Variants in COL4A3 observed in about 807,000 individuals in gnomAD.
COL4A3 encodes the protein collagen alpha-3(IV) chain.
COL4A3 carries 135 observed loss-of-function variants against 217.4 expected under a neutral mutation model. That is an observed-to-expected ratio of 0.62 (90% CI 0.54 to 0.72). COL4A3 has a LOEUF of 0.72. Among genes scored for constraint, COL4A3 ranks in the 30% least tolerant of loss-of-function variants. COL4A3 has a pLI of 0.00. For synonymous variants in COL4A3, 690 were observed against 736.3 expected, an observed-to-expected ratio of 0.94 and a Z score of 1.02; for missense variants, 1,868 against 2,119.9, an observed-to-expected ratio of 0.88 and a Z score of 2.33.
Position 227,282,682 on chromosome 2 carries a change from A to G in COL4A3, c.2656+150A>G. On this transcript the variant is annotated intron_variant, in intron 32 of 51. Transcript: ENST00000396578. This position sits in a 1 kb window ranked among gnomAD's most constrained non-coding sequence, Gnocchi z 4.4. ...AATTATTTGTAAGAAACCAGGGGCC[A>G]TGGTGCAGGGAAACGGTGGCGGCAG... 2.6e-6 allele frequency: 2 copies of G among 776,076 alleles called. No homozygotes were observed. The highest frequency in any genetic ancestry group is 2.7e-5 in the East Asian group (1 of 36,774). 48.1% of individuals were successfully genotyped at this position (776,076 alleles called of 1,614,324 possible).
intron 1 of COL4A3, among the ~76,000 whole-genome samples, chr2:227,201,288 G>A (rs2066675648): frequency 6.6e-6 from 1 of 151,266 alleles, no homozygotes; most frequent in Admixed American, 6.6e-5. Context: ...CACTAAGGAG[G>A]AAAAAAAAAT....
intron 1 of COL4A3, among the ~76,000 whole-genome samples, chr2:227,177,854 T>C (rs2065735168): frequency 2.0e-5 from 3 of 152,156 alleles, no homozygotes; most frequent in African/African-American, 7.2e-5. Context: ...TGTCACAGTA[T>C]CGCAATGCTT....
At chr2:227,172,638 G>C in intron 1 of COL4A3, among the ~76,000 whole-genome samples, 1 of 119,700 alleles carries the variant, frequency 8.4e-6, no homozygotes, top group African/African-American at 3.2e-5. Flanking sequence ...CCAGGCTAAA[G>C]TGCAGTGGCA....
chr2:227,194,513 C>A (rs1472973260), intron 1 of COL4A3, among the ~76,000 whole-genome samples: 2 of 152,192 alleles, frequency 1.3e-5, no homozygotes, highest in African/African-American at 4.8e-5. Flanking sequence ...GCTCAGGACC[C>A]CCTTGTGGGA....
chr2:227,197,536 A>T (rs942552674), intron 1 of COL4A3, among the ~76,000 whole-genome samples: 1 of 152,244 alleles, frequency 6.6e-6, no homozygotes, highest in Non-Finnish European at 1.5e-5. Context: ...GTATACTTAA[A>T]AAAAAATCAC....
chr2:227,290,210 T>G, intron 36 of COL4A3, 122 bp downstream of exon 36: 1 of 955,690 alleles, frequency 1.0e-6, no homozygotes, highest in Admixed American at 2.0e-5. Context: ...AAAACTAGAT[T>G]TGCGGGGCCG....
intron 21 of COL4A3, among the ~76,000 whole-genome samples, chr2:227,265,593 G>A (rs2070836131): frequency 1.3e-5 from 2 of 152,204 alleles, no homozygotes; most frequent in Non-Finnish European, 2.9e-5. Context: ...CAACTCAATT[G>A]ATGTGGACAA....
intron 1 of COL4A3, among the ~76,000 whole-genome samples, chr2:227,205,932 G>T (rs1259914972): frequency 6.6e-6 from 1 of 152,188 alleles, no homozygotes; most frequent in East Asian, 1.9e-4. Context: ...GAGCAGCTTA[G>T]CTGAGGCTTT....
At chr2:227,183,557 T>A (rs1270842694) in intron 1 of COL4A3, among the ~76,000 whole-genome samples, 1 of 152,068 alleles carries the variant, frequency 6.6e-6, no homozygotes, top group African/African-American at 2.4e-5. Context: ...AGGTAGAAGA[T>A]TGACTCAAAC....
At chr2:227,186,246 C>T (rs557979312) in intron 1 of COL4A3, among the ~76,000 whole-genome samples, 1 of 152,258 alleles carries the variant, frequency 6.6e-6, no homozygotes, top group African/African-American at 2.4e-5. Context: ...AGATAACGCG[C>T]ATTACATAAT....
At chr2:227,195,521 C>T (rs1038145196) in intron 1 of COL4A3, among the ~76,000 whole-genome samples, 4 of 152,160 alleles carry the variant, frequency 2.6e-5, no homozygotes, top group African/African-American at 9.7e-5. Flanking sequence ...AACAAAGCTA[C>T]TGCACTGCCA....
In COL4A3 at chr2:227,203,753, G is replaced by A. The variant is rs1337016743; in HGVS notation, c.88-34215G>A. Among the ~76,000 whole-genome samples the A allele has an allele frequency of 2.4e-4, 25 of 105,124 alleles. 5 individuals carry two copies. Among genetic ancestry groups the A allele is most frequent in the African/African-American group, 8.6e-4 (21 of 24,290 alleles). The allele number at this position is 105,124 out of a possible 152,430, so 69.0% of individuals were successfully genotyped here. A position where few individuals can be genotyped will look rare whatever the true frequency, so the allele number is the denominator to read the frequency against. ...TATATATGTGTATATATACATATAT[G>A]TGTGTATATATGTGTATATATACAT... On this transcript the variant is annotated intron_variant, in intron 1 of 51. Coordinates refer to ENST00000396578, the MANE Select transcript of COL4A3 (RefSeq NM_000091.5).
intron 24 of COL4A3, among the ~76,000 whole-genome samples, chr2:227,270,378 C>T (rs1378860639): frequency 1.3e-5 from 2 of 152,004 alleles, no homozygotes; most frequent in African/African-American, 2.4e-5. Context: ...TAAATTATAC[C>T]TCAATAAGTC....
chr2:227,217,252 A>C (rs1325166287), intron 1 of COL4A3, among the ~76,000 whole-genome samples: 1 of 152,192 alleles, frequency 6.6e-6, no homozygotes, highest in Non-Finnish European at 1.5e-5. Flanking sequence ...CCATGATTCA[A>C]TTATCTCCCA....
At chr2:227,186,226 C>T (rs1470984387) in intron 1 of COL4A3, among the ~76,000 whole-genome samples, 1 of 152,160 alleles carries the variant, frequency 6.6e-6, no homozygotes, top group Non-Finnish European at 1.5e-5. Flanking sequence ...GATCACAGCA[C>T]TGTTGAATAA....
chr2:227,237,681 T>C (rs770298715), intron 1 of COL4A3: 30 of 324,864 alleles, frequency 9.2e-5, no homozygotes, highest in Non-Finnish European at 1.6e-4. Flanking sequence ...TAATTAAAAG[T>C]AATGGCAAAA....
intron 47 of COL4A3, among the ~76,000 whole-genome samples, chr2:227,306,330 T>C (rs562954184): frequency 4.3e-4 from 65 of 152,318 alleles, no homozygotes; most frequent in Non-Finnish European, 6.9e-4. Context: ...GGCCCCTTTC[T>C]TGGAGATACA....
At position 227,282,838 on chromosome 2, in the gene COL4A3, C is replaced by T. The variant is rs186382478; in HGVS notation, c.2656+306C>T. On this transcript the variant is annotated intron_variant, in intron 32 of 51. Transcript: ENST00000396578. The surrounding 1 kb of genome is among the most constrained non-coding windows in gnomAD (Gnocchi z 4.4). Reference sequence around the variant, plus strand: ...ATTGAGAAGGGATATTGGTCTGTAGCGTTCTTGTGATGTCTTTGGTGTTGG... The same window carrying T: ...ATTGAGAAGGGATATTGGTCTGTAGTGTTCTTGTGATGTCTTTGGTGTTGG... Among the ~76,000 whole-genome samples the T allele has an allele frequency of 1.1e-4, 17 of 152,154 alleles. No individual in the cohort carries two copies. Among genetic ancestry groups the T allele is most frequent in the African/African-American group, 3.4e-4 (14 of 41,510 alleles).
At chr2:227,203,249 A>ATGTATATATACATATATGTGTATATATG (rs1559821865) in intron 1 of COL4A3, among the ~76,000 whole-genome samples, 3 of 15,540 alleles carry the variant, frequency 1.9e-4, no homozygotes, top group African/African-American at 6.4e-4. Flanking sequence ...ATATACATAT[A>ATGTATATATACATATATGTGTATATATG]TGTATATATA....
Sources: allele counts gnomAD v4.1 joint callset (sites outside exome capture counted in the v4.1 genomes callset), GRCh38; gene constraint gnomAD v4.1.1; non-coding constraint Gnocchi (gnomAD v3.1); transcripts MANE v1.5; gene names NCBI Gene and HGNC (gene_info 2026-07-23, HGNC 2026-07-21).